The following FAT3 variants were observed in gnomAD, a reference collection of about 807,000 sequenced individuals.
The protein encoded by FAT3 is protocadherin Fat 3.
A neutral mutation model predicts 310.2 loss-of-function variants in FAT3; 95 were observed. The ratio of observed to expected loss-of-function variants is 0.31; its 90% CI spans 0.26 to 0.36. The LOEUF is 0.36. Among genes scored for constraint, FAT3 ranks in the 10% least tolerant of loss-of-function variants. The pLI is 1.00. For synonymous variants in FAT3, 2,314 were observed against 2,192.9 expected (o/e 1.06, Z -1.54); for missense variants, 5,408 against 5,715.6 (o/e 0.95, Z 1.74).
chr11:92,854,164 G>C (rs2136314960), intron 19 of FAT3, among the ~76,000 whole-genome samples: 1 of 152,350 alleles, frequency 6.6e-6, no homozygotes, highest in South Asian at 2.1e-4. Context: ...GCACCACCCT[G>C]AATGCATGCA....
intron 2 of FAT3, among the ~76,000 whole-genome samples, chr11:92,374,994 A>G (rs2134734633): frequency 6.6e-6 from 1 of 152,322 alleles, no homozygotes; most frequent in South Asian, 2.1e-4. Context: ...AGCATAAAAC[A>G]TTCACGCAGA....
chr11:92,639,218 C>G (rs1941871833), intron 3 of FAT3, among the ~76,000 whole-genome samples: 1 of 152,120 alleles, frequency 6.6e-6, no homozygotes, highest in African/African-American at 2.4e-5. Flanking sequence ...GTAACACCTT[C>G]TAGGATCTCC....
intron 3 of FAT3, among the ~76,000 whole-genome samples, chr11:92,537,344 G>A (rs1390636747): frequency 1.3e-5 from 2 of 152,158 alleles, no homozygotes. Flanking sequence ...CTGAACATGA[G>A]AGGAGAAGAC....
At chr11:92,783,750 G>A (rs553321801) in intron 7 of FAT3, among the ~76,000 whole-genome samples, 16 of 152,166 alleles carry the variant, frequency 1.1e-4, no homozygotes, top group African/African-American at 3.9e-4. Flanking sequence ...GTGCCACTGC[G>A]CTCCAGCCTA....
chr11:92,424,277 T>C (rs1464161428), intron 2 of FAT3, among the ~76,000 whole-genome samples: 2 of 152,144 alleles, frequency 1.3e-5, no homozygotes, highest in Admixed American at 1.3e-4. Context: ...CTAATTTTGA[T>C]AGTTTTTGAA....
chr11:92,388,552 T>C (rs1325967675), intron 2 of FAT3, among the ~76,000 whole-genome samples: 1 of 152,180 alleles, frequency 6.6e-6, no homozygotes, highest in Non-Finnish European at 1.5e-5. Context: ...CTTGGGTACA[T>C]GTTTCAACAG....
At chr11:92,697,482 G>A (rs760736205) in intron 4 of FAT3, 37 bp downstream of exon 4, 1 of 1,598,672 alleles carries the variant, frequency 6.3e-7, no homozygotes, top group South Asian at 1.1e-5. Context: ...CATTAAAACT[G>A]ACTTTCACTA....
At chr11:92,742,705 C>G (rs941389673) in intron 4 of FAT3, among the ~76,000 whole-genome samples, 1 of 152,176 alleles carries the variant, frequency 6.6e-6, no homozygotes, top group Non-Finnish European at 1.5e-5. Flanking sequence ...CAAGAAGATC[C>G]TGGCCACATG....
At chr11:92,786,366 G>A (rs1181082942) in intron 7 of FAT3, among the ~76,000 whole-genome samples, 5 of 151,746 alleles carry the variant, frequency 3.3e-5, no homozygotes, top group South Asian at 2.1e-4. Context: ...AATTGAAAGC[G>A]TATTTGCAAT....
At chr11:92,753,873 T>A (rs1407370731) in intron 4 of FAT3, among the ~76,000 whole-genome samples, 1 of 151,216 alleles carries the variant, frequency 6.6e-6, no homozygotes, top group African/African-American at 2.5e-5. Flanking sequence ...GATTGAAGAC[T>A]ATTATTCTAA....
intron 7 of FAT3, among the ~76,000 whole-genome samples, chr11:92,781,377 T>G (rs1946749784): frequency 6.6e-6 from 1 of 151,904 alleles, no homozygotes; most frequent in South Asian, 2.1e-4. Flanking sequence ...AGGCTCATTC[T>G]TAAGCTTATT....
At chr11:92,809,045 C>T (rs1041484155) in intron 12 of FAT3, among the ~76,000 whole-genome samples, 1 of 152,138 alleles carries the variant, frequency 6.6e-6, no homozygotes, top group Non-Finnish European at 1.5e-5. Flanking sequence ...CACCAAATAA[C>T]ATTTATTCAG....
chr11:92,496,738 C>A (rs1347135775), intron 2 of FAT3, among the ~76,000 whole-genome samples: 3 of 151,874 alleles, frequency 2.0e-5, no homozygotes, highest in Non-Finnish European at 4.4e-5. Flanking sequence ...TGCCTGCAGC[C>A]CCACGGTGTT....
intron 2 of FAT3, among the ~76,000 whole-genome samples, chr11:92,464,876 A>G (rs1368030318): frequency 6.6e-6 from 1 of 152,192 alleles, no homozygotes; most frequent in African/African-American, 2.4e-5. Flanking sequence ...TGAGAGGACC[A>G]TGCCATTTAA....
chr11:92,691,703 T>C (rs1025429962), intron 3 of FAT3, among the ~76,000 whole-genome samples: 3 of 152,134 alleles, frequency 2.0e-5, no homozygotes, highest in Non-Finnish European at 2.9e-5. Flanking sequence ...GTTTGAATTG[T>C]GGTATAGTCA....
chr11:92,329,566 A>T (rs1479397790), intron 1 of FAT3, among the ~76,000 whole-genome samples: 1 of 151,666 alleles, frequency 6.6e-6, no homozygotes, highest in Non-Finnish European at 1.5e-5. Flanking sequence ...CTGTTAATTA[A>T]GTTTATATTC....
intron 2 of FAT3, among the ~76,000 whole-genome samples, chr11:92,410,581 A>C (rs2134915914): frequency 2.0e-5 from 3 of 151,706 alleles, no homozygotes; most frequent in Admixed American, 2.0e-4. Context: ...GGGGGTCCTT[A>C]TTTTTGCTGC....
At chr11:92,565,830 T>C (rs1272956026) in intron 3 of FAT3, among the ~76,000 whole-genome samples, 1 of 152,184 alleles carries the variant, frequency 6.6e-6, no homozygotes, top group African/African-American at 2.4e-5. Context: ...TTGACAAAAT[T>C]CAACAACCCT....
chr11:92,583,952 C>T (rs987656706), intron 3 of FAT3, among the ~76,000 whole-genome samples: 5 of 151,932 alleles, frequency 3.3e-5, no homozygotes, highest in East Asian at 1.9e-4. Context: ...TGGTACTAAA[C>T]GAAGAGAAGT....
Sources: allele counts gnomAD v4.1 joint callset (sites outside exome capture counted in the v4.1 genomes callset), GRCh38; gene constraint gnomAD v4.1.1; transcripts MANE v1.5; gene names NCBI Gene and HGNC (gene_info 2026-07-23, HGNC 2026-07-21).